Variants in GRM7 observed in about 807,000 individuals in gnomAD.
GRM7 encodes glutamate metabotropic receptor 7, also known as metabotropic glutamate receptor 7.
A neutral mutation model predicts 84.5 loss-of-function variants in GRM7; 35 were observed. The ratio of observed to expected loss-of-function variants is 0.41; its 90% CI spans 0.32 to 0.55. The LOEUF is 0.55. Among genes scored for constraint, GRM7 ranks in the 20% least tolerant of loss-of-function variants. The pLI is 0.19. For synonymous variants in GRM7, 487 were observed against 455.1 expected (o/e 1.07, Z -0.89); for missense variants, 1,003 against 1,194.6 (o/e 0.84, Z 2.36).
At chr3:6,914,919 T>G (rs895484584) in intron 1 of GRM7, among the ~76,000 whole-genome samples, 1 of 152,110 alleles carries the variant, frequency 6.6e-6, no homozygotes, top group African/African-American at 2.4e-5. Flanking sequence ...TTGCACAACA[T>G]TATTTGGTTA....
intron 1 of GRM7, among the ~76,000 whole-genome samples, chr3:6,931,256 T>C (rs1275721569): frequency 2.0e-5 from 3 of 152,242 alleles, no homozygotes; most frequent in Admixed American, 6.5e-5. Flanking sequence ...GTTCAGAACA[T>C]GTCAAGGCTT....
At chr3:6,898,007 A>C (rs1045761513) in intron 1 of GRM7, among the ~76,000 whole-genome samples, 3 of 151,950 alleles carry the variant, frequency 2.0e-5, no homozygotes, top group African/African-American at 7.3e-5. Context: ...ACCTGACCTC[A>C]CTCTTCTTTC....
At chr3:7,062,119 A>T (rs531490003) in intron 1 of GRM7, among the ~76,000 whole-genome samples, 1 of 151,718 alleles carries the variant, frequency 6.6e-6, no homozygotes, top group East Asian at 1.9e-4. Flanking sequence ...CTGTTAAAAA[A>T]ATTTCAAGAA....
intron 7 of GRM7, among the ~76,000 whole-genome samples, chr3:7,508,331 A>C (rs539343764): frequency 1.3e-5 from 2 of 152,300 alleles, no homozygotes; most frequent in South Asian, 4.1e-4. Context: ...TTTTGAGAGA[A>C]GGCACCAATC....
chr3:7,173,740 C>T (rs184820849), intron 2 of GRM7, among the ~76,000 whole-genome samples: 1 of 152,302 alleles, frequency 6.6e-6, no homozygotes, highest in African/African-American at 2.4e-5. Flanking sequence ...ACTCAGTTAA[C>T]TCCTGGACCT....
At chr3:7,131,053 A>G (rs955595621) in intron 1 of GRM7, among the ~76,000 whole-genome samples, 4 of 152,178 alleles carry the variant, frequency 2.6e-5, no homozygotes, top group African/African-American at 9.6e-5. Flanking sequence ...TTTCCCTTCC[A>G]AAAGCTTTAT....
At chr3:6,904,984 G>A (rs976109065) in intron 1 of GRM7, among the ~76,000 whole-genome samples, 2 of 151,960 alleles carry the variant, frequency 1.3e-5, no homozygotes, top group Admixed American at 1.3e-4. Context: ...TGCCCAAATC[G>A]CTGGGATTAG....
At chr3:7,479,798 G>A (rs1699061406) in intron 7 of GRM7, among the ~76,000 whole-genome samples, 1 of 152,134 alleles carries the variant, frequency 6.6e-6, no homozygotes, top group South Asian at 2.1e-4. Context: ...AACCCAGTTT[G>A]TCTGGCTCTG....
intron 1 of GRM7, among the ~76,000 whole-genome samples, chr3:6,946,959 G>C (rs540483667): frequency 3.9e-5 from 6 of 152,060 alleles, no homozygotes; most frequent in Admixed American, 6.5e-5. Flanking sequence ...TGGGCTGAGA[G>C]GATGGGGTTT....
rs1241409574 is a variant in GRM7 at position 7,524,418 on chromosome 3, GA to G, written c.1516-53997del. ...ACAATGAACTCAAACAAATTTACAA[GA>G]AAAAAACAAACAACCCCATCAAAAA... On this transcript the variant is annotated intron_variant, in intron 7 of 9. Transcript: ENST00000357716. 2.3e-5 allele frequency among the ~76,000 whole-genome samples: 2 copies of G among 85,880 alleles called. 1 individual carries two copies. The highest frequency in any genetic ancestry group is 4.4e-5 in the Non-Finnish European group (2 of 45,860). 56.3% of individuals were successfully genotyped at this position (85,880 alleles called of 152,430 possible).
chr3:6,996,192 G>T (rs1451390878), intron 1 of GRM7, among the ~76,000 whole-genome samples: 2 of 152,032 alleles, frequency 1.3e-5, no homozygotes, highest in East Asian at 1.9e-4. Flanking sequence ...GGGACTACAG[G>T]CGCCCGCCAC....
In GRM7 at chr3:7,578,943, G is replaced by A; in HGVS notation, c.2037G>A (p.Arg679=). The A allele has an allele frequency of 6.2e-7, 1 of 1,614,044 alleles. No individual in the cohort carries two copies. The highest frequency in any genetic ancestry group is 8.5e-7 in the Non-Finnish European group (1 of 1,180,012). Residue 679 remains arginine (R), a synonymous_variant, in exon 8 of 10, where the codon CGG becomes CGA. Transcript: ENST00000357716. ...SYAALLTKTN[R]IYRIFEQGKK... ...CAGCCCTCTTGACGAAAACAAATCG[G>A]ATTTATCGCATATTTGAGCAGGGCA...
intron 1 of GRM7, among the ~76,000 whole-genome samples, chr3:6,887,641 T>G (rs1310617617): frequency 6.6e-6 from 1 of 152,206 alleles, no homozygotes; most frequent in African/African-American, 2.4e-5. Flanking sequence ...TGCTGGACAT[T>G]TGGGTTGGTT....
chr3:6,873,194 C>G (rs1046285665), intron 1 of GRM7, among the ~76,000 whole-genome samples: 1 of 152,108 alleles, frequency 6.6e-6, no homozygotes, highest in South Asian at 2.1e-4. Flanking sequence ...GCCTCAGTCT[C>G]CTGAGTAGCT....
At chr3:7,229,932 C>T (rs545771793) in intron 2 of GRM7, among the ~76,000 whole-genome samples, 76 of 146,684 alleles carry the variant, frequency 5.2e-4, no homozygotes, top group African/African-American at 1.7e-3. Flanking sequence ...CTCCGCCTCC[C>T]GGGTTCACGC....
intron 4 of GRM7, among the ~76,000 whole-genome samples, chr3:7,382,710 A>T (rs937416309): frequency 4.6e-5 from 7 of 152,228 alleles, no homozygotes; most frequent in Non-Finnish European, 7.3e-5. Flanking sequence ...GTGTGTTTAT[A>T]TATCTTGTTT....
intron 7 of GRM7, among the ~76,000 whole-genome samples, chr3:7,490,529 A>G (rs1361989723): frequency 3.3e-5 from 5 of 152,170 alleles, no homozygotes; most frequent in African/African-American, 1.2e-4. Flanking sequence ...GCCTGAAACT[A>G]TAATGTTGAA....
At chr3:7,222,524 T>A (rs1477726381) in intron 2 of GRM7, among the ~76,000 whole-genome samples, 1 of 152,084 alleles carries the variant, frequency 6.6e-6, no homozygotes, top group Non-Finnish European at 1.5e-5. Flanking sequence ...TGAATGAGTT[T>A]AGAAGTAAAT....
chr3:7,034,637 G>A (rs914323051), intron 1 of GRM7, among the ~76,000 whole-genome samples: 1 of 152,144 alleles, frequency 6.6e-6, no homozygotes. Context: ...CAAAAATTAT[G>A]ATTTTTTTCT....
Sources: gnomAD v4.1 joint callset for allele counts (sites outside exome capture counted in the v4.1 genomes callset) on GRCh38, gnomAD v4.1.1 for gene constraint, MANE v1.5 for transcripts, NCBI Gene and HGNC (gene_info 2026-07-23, HGNC 2026-07-21) for gene names.